RPTOR: variants seen among roughly 807,000 people sequenced by gnomAD.
RPTOR encodes the protein regulatory associated protein of MTOR complex 1.
In RPTOR, 21 loss-of-function variants were observed where a neutral mutation model predicts 169.9. That is an observed-to-expected ratio of 0.12 (90% CI 0.09 to 0.18). The LOEUF (loss-of-function observed/expected upper bound fraction) is 0.18. Ranked by LOEUF, RPTOR falls within the 10% of genes least tolerant of loss-of-function variation. The probability of loss-of-function intolerance (pLI) is 1.00; values close to 1 mark genes in which losing one functional copy is unlikely to be tolerated. For synonymous variants in RPTOR, 732 were observed against 753.2 expected, an observed-to-expected ratio of 0.97 and a Z score of 0.46; for missense variants, 1,133 against 1,855.9, an observed-to-expected ratio of 0.61 and a Z score of 7.16.
chr17:80,706,206 C>T (rs2066140634), intron 3 of RPTOR, among the ~76,000 whole-genome samples: 3 of 152,206 alleles, frequency 2.0e-5, no homozygotes, highest in Admixed American at 1.3e-4. Context: ...GACTCATCAA[C>T]TCAGGGCATC....
At chr17:80,912,544 G>A (rs1217195086) in intron 21 of RPTOR, among the ~76,000 whole-genome samples, 1 of 152,158 alleles carries the variant, frequency 6.6e-6, no homozygotes, top group Admixed American at 6.5e-5. Context: ...CTGTGGACCT[G>A]GCCTCCAGTT....
intron 13 of RPTOR, among the ~76,000 whole-genome samples, chr17:80,869,032 A>G (rs1192051370): frequency 6.6e-6 from 1 of 152,228 alleles, no homozygotes; most frequent in Non-Finnish European, 1.5e-5. Context: ...GTGTAGACGT[A>G]CGTCCAAAAT....
chr17:80,657,946 T>C (rs1340439583), intron 3 of RPTOR, among the ~76,000 whole-genome samples: 1 of 152,212 alleles, frequency 6.6e-6, no homozygotes, highest in Non-Finnish European at 1.5e-5. Flanking sequence ...ATTAGTGATG[T>C]ATCAGAGAAT....
intron 3 of RPTOR, among the ~76,000 whole-genome samples, chr17:80,700,539 T>TGGTGGTGGTGGTGGTGATGGTAGA (rs2066080436): frequency 1.1e-5 from 1 of 93,208 alleles, no homozygotes; most frequent in Non-Finnish European, 2.4e-5. Context: ...GTGGTGGTGA[T>TGGTGGTGGTGGTGGTGATGGTAGA]GATGATGGTG....
Position 80,625,921 on chromosome 17 carries a change from T to C in RPTOR, c.265+128T>C. 5 of 656,130 alleles carry C rather than the reference T, an allele frequency of 7.6e-6. No individual in the cohort carries two copies. The Admixed American group carries it at 1.3e-4, about 17-fold the overall frequency. 40.6% of individuals were successfully genotyped at this position (656,130 alleles called of 1,614,324 possible). A position where few individuals can be genotyped will look rare whatever the true frequency, so the allele number is the denominator to read the frequency against. ...GCTGTGCAAATCTGAGGGGTTTTTC[T>C]TTCTGGAGTCACATCACCTTTGAGT... is the stretch of plus-strand genomic sequence containing the variant. On this transcript the variant is annotated intron_variant, in intron 2 of 33. Coordinates refer to ENST00000306801, the MANE Select transcript of RPTOR (RefSeq NM_020761.3).
At position 80,946,932 on chromosome 17, in the gene RPTOR, G is replaced by A. The variant is rs183394538; in HGVS notation, c.3141-295G>A. 1.4e-4 allele frequency among the ~76,000 whole-genome samples: 22 copies of A among 152,262 alleles called. 1 individual carries two copies. In the East Asian group the frequency reaches 3.9e-3, roughly 27 times the overall value. On this transcript the variant is annotated intron_variant, in intron 26 of 33. Coordinates refer to ENST00000306801, the MANE Select transcript of RPTOR (RefSeq NM_020761.3). ...AGGAAATCCTCTTCCCTTCCCACCC[G>A]CACAGCCTGTGGCTCCAATTTCCCA...
Position 80,945,794 on chromosome 17 carries a change from C to T in RPTOR, c.3140+13C>T, listed in dbSNP as rs780976999. On this transcript the variant is annotated intron_variant, in intron 26 of 33. Coordinates refer to ENST00000306801, the MANE Select transcript of RPTOR (RefSeq NM_020761.3). ...AGGACAGCATCTGGTATGCACCGCG[C>T]TGGTCAGGCCTCCCTTCCGGCTGAC... 7.9e-6 allele frequency: 12 copies of T among 1,511,446 alleles called. No homozygotes were observed. The highest frequency in any genetic ancestry group is 1.1e-5 in the Non-Finnish European group (12 of 1,110,238). The allele number at this position is 1,511,446 out of a possible 1,614,324, so 93.6% of individuals were successfully genotyped here. A position where few individuals can be genotyped will look rare whatever the true frequency, so the allele number is the denominator to read the frequency against.
chr17:80,725,521 G>C lies in RPTOR; in HGVS notation c.508-5039G>C, dbSNP rs142729356. ...AAGCAGCCTTCCGTGTATACAGGGGGCTTTTCAATTCTGGGCTGGTGTGGG... is the reference window on the plus strand; with the variant it reads ...AAGCAGCCTTCCGTGTATACAGGGGCCTTTTCAATTCTGGGCTGGTGTGGG... On this transcript the variant is annotated intron_variant, in intron 4 of 33. Coordinates refer to ENST00000306801, the MANE Select transcript of RPTOR (RefSeq NM_020761.3). Among the ~76,000 whole-genome samples the C allele has an allele frequency of 5.2e-3, 792 of 152,338 alleles. 10 individuals are homozygous for C. Among genetic ancestry groups the C allele is most frequent in the African/African-American group, 0.018 (764 of 41,578 alleles).
At chr17:80,956,087 C>T (rs1229031341) in intron 28 of RPTOR, among the ~76,000 whole-genome samples, 4 of 152,118 alleles carry the variant, frequency 2.6e-5, no homozygotes, top group South Asian at 2.1e-4. Context: ...AGGCATGTTA[C>T]GTTGTTGATG....
At chr17:80,935,020 C>CAA (rs35820587) in intron 24 of RPTOR, among the ~76,000 whole-genome samples, 4 of 131,836 alleles carry the variant, frequency 3.0e-5, no homozygotes, top group Non-Finnish European at 6.4e-5. Context: ...GACCCTGTCT[C>CAA]AAAAAAAAAA....
chr17:80,892,791 T>G lies in RPTOR; in HGVS notation c.2164T>G (p.Ser722Ala), dbSNP rs746004921. 2 of 1,614,184 alleles carry G rather than the reference T, an allele frequency of 1.2e-6. No homozygotes were observed. The highest frequency in any genetic ancestry group is 1.7e-5 in the Admixed American group (1 of 60,022). ...CACCCCCAGACTTCGTTCTGTGAGCTCCTATGGAAACATCCGTGCTGTCGC... is the reference window on the plus strand; with the variant it reads ...CACCCCCAGACTTCGTTCTGTGAGCGCCTATGGAAACATCCGTGCTGTCGC... Reference protein sequence around the residue: ...PCTPRLRSVSSYGNIRAVATA... With the variant: ...PCTPRLRSVSAYGNIRAVATA... The change falls in exon 19 of 34, where the codon TCC becomes GCC. Residue 722 changes from serine to alanine, a missense_variant. Physicochemically the swap from Ser to Ala is moderately conservative, Grantham distance 99 (BLOSUM62 1). Around this residue, in one of 9 missense-constraint regions of RPTOR, gnomAD observed 150 missense variants for 206.4 expected, o/e 0.73. Transcript: ENST00000306801.
intron 27 of RPTOR, among the ~76,000 whole-genome samples, chr17:80,948,912 G>A (rs1386952468): frequency 6.6e-6 from 1 of 152,172 alleles, no homozygotes; most frequent in East Asian, 1.9e-4. Flanking sequence ...CTTAGGCGGA[G>A]AGCCCAGACG....
At chr17:80,938,535 G>T (rs911917942) in intron 24 of RPTOR, among the ~76,000 whole-genome samples, 1 of 152,162 alleles carries the variant, frequency 6.6e-6, no homozygotes, top group African/African-American at 2.4e-5. Context: ...ATAAGCTCAG[G>T]ATTGTCGTCA....
chr17:80,790,477 T>G (rs965315034), intron 6 of RPTOR, among the ~76,000 whole-genome samples: 11 of 152,130 alleles, frequency 7.2e-5, no homozygotes, highest in Admixed American at 2.0e-4. Flanking sequence ...TGGTTCTGGA[T>G]CTCTCAGTTC....
chr17:80,963,791 C>G (rs1449064960), intron 33 of RPTOR, among the ~76,000 whole-genome samples: 10 of 120,194 alleles, frequency 8.3e-5, no homozygotes, highest in Non-Finnish European at 9.8e-5. Flanking sequence ...CACCCCGTCC[C>G]CTCTGCGGCC....
chr17:80,899,195 G>A (rs147376175), intron 20 of RPTOR, among the ~76,000 whole-genome samples: 197 of 152,300 alleles, frequency 1.3e-3, no homozygotes, highest in African/African-American at 4.5e-3. Context: ...AGTTGACTCC[G>A]TATATTCGAG....
At chr17:80,838,910 G>A (rs1044683366) in intron 10 of RPTOR, among the ~76,000 whole-genome samples, 1 of 152,214 alleles carries the variant, frequency 6.6e-6, no homozygotes, top group African/African-American at 2.4e-5. Context: ...GGGAGTTAAT[G>A]TAAGAAAAGT....
intron 24 of RPTOR, among the ~76,000 whole-genome samples, chr17:80,933,362 A>G (rs988878110): frequency 2.0e-5 from 3 of 152,222 alleles, no homozygotes; most frequent in Non-Finnish European, 4.4e-5. Context: ...TAAAAATGCA[A>G]TCAAGAAAAC....
At chr17:80,694,969 C>G (rs1220611880) in intron 3 of RPTOR, among the ~76,000 whole-genome samples, 1 of 152,160 alleles carries the variant, frequency 6.6e-6, no homozygotes, top group Non-Finnish European at 1.5e-5. Context: ...GGGTGCTCCC[C>G]AGAAGCCTCT....
Sources: gnomAD v4.1 joint callset for allele counts (sites outside exome capture counted in the v4.1 genomes callset) on GRCh38, gnomAD v4.1.1 for gene constraint, gnomAD v4.1.1 regional missense constraint, MANE v1.5 for transcripts, NCBI Gene and HGNC (gene_info 2026-07-23, HGNC 2026-07-21) for gene names.